Variants in DNAJB12 observed in about 807,000 individuals in gnomAD.
DNAJB12 encodes the protein DnaJ heat shock protein family (Hsp40) member B12.
In DNAJB12, 14 loss-of-function variants were observed where a neutral mutation model predicts 40.6. That is an observed-to-expected ratio of 0.34 (90% CI 0.23 to 0.54). The LOEUF (loss-of-function observed/expected upper bound fraction) is 0.54. DNAJB12 is among the 20% of genes least tolerant of loss of function. DNAJB12 has a pLI of 0.92. For missense variants in DNAJB12, 444 were observed against 501.7 expected, an observed-to-expected ratio of 0.89 and a Z score of 1.10; for synonymous variants, 181 against 199.5, an observed-to-expected ratio of 0.91 and a Z score of 0.78.
chr10:72,334,839 G>A, intron 8 of DNAJB12: 1 of 1,348,294 alleles, frequency 7.4e-7, no homozygotes, highest in South Asian at 1.9e-5. Flanking sequence ...GGAGGACACA[G>A]GCAAAGGAGG....
At chr10:72,340,936 C>T (rs1340132324) in intron 4 of DNAJB12, 49 bp downstream of exon 4, 1 of 1,608,804 alleles carries the variant, frequency 6.2e-7, no homozygotes, top group South Asian at 1.1e-5. Context: ...CATGCCATTC[C>T]CACCATCACC....
At chr10:72,346,370 G>A (rs1219742730) in intron 1 of DNAJB12, among the ~76,000 whole-genome samples, 1 of 151,954 alleles carries the variant, frequency 6.6e-6, no homozygotes, top group Non-Finnish European at 1.5e-5. Context: ...CTGTTGCCCA[G>A]GCTGGAGTGC....
At chr10:72,347,579 T>C (rs749324662) in intron 1 of DNAJB12, among the ~76,000 whole-genome samples, 2 of 152,236 alleles carry the variant, frequency 1.3e-5, no homozygotes, top group African/African-American at 2.4e-5. Flanking sequence ...CTGGAGTCTA[T>C]ACAGGACATT....
At position 72,334,764 on chromosome 10, in the gene DNAJB12, T is replaced by G. The variant is rs1035280373; in HGVS notation, c.*31-147A>C. 98 of 1,400,610 alleles carry G rather than the reference T, an allele frequency of 7.0e-5. No homozygotes were observed. The Admixed American group carries it at 2.0e-3, about 29-fold the overall frequency. 86.8% of individuals were successfully genotyped at this position (1,400,610 alleles called of 1,614,324 possible). ...CACCAACCCCACTTGCGGCCTGCCC[T>G]CCTGCGGCAGCACAGAGGCAGGCAC... On this transcript the variant is annotated intron_variant, in intron 8 of 8. Coordinates refer to ENST00000444643, the MANE Select transcript of DNAJB12 (RefSeq NM_017626.7).
At chr10:72,346,996 A>G (rs141303098) in intron 1 of DNAJB12, among the ~76,000 whole-genome samples, 14,619 of 146,532 alleles carry the variant, frequency 0.1, 1,498 homozygotes, top group African/African-American at 0.27. Context: ...ACGGAGTCTC[A>G]CTCTGTTGCC....
At position 72,334,310 on chromosome 10, in the gene DNAJB12, C is replaced by G. The variant is rs543382585; in HGVS notation, c.*338G>C. ...GAAAGGCAGCTGGGTGCCCCCTCCC[C>G]CAGCCCTTCCCACTGATATCTGCTG... is the stretch of plus-strand genomic sequence containing the variant. On this transcript the variant is annotated 3_prime_UTR_variant, in exon 9 of 9. Transcript: ENST00000444643. The G allele has an allele frequency of 4.2e-6, 2 of 471,846 alleles. No homozygotes were observed. Among genetic ancestry groups the G allele is most frequent in the South Asian group, 4.8e-5 (2 of 41,712 alleles). The allele number at this position is 471,846 out of a possible 1,614,324, so 29.2% of individuals were successfully genotyped here.
At chr10:72,345,247 T>A in intron 1 of DNAJB12, 120 bp from the exon 2 acceptor site, 8 of 1,198,284 alleles carry the variant, frequency 6.7e-6, no homozygotes, top group Non-Finnish European at 8.2e-6. Flanking sequence ...CCTGCCCTGA[T>A]TAGGCCTGTG....
At chr10:72,348,389 G>T (rs1861852353) in intron 1 of DNAJB12, among the ~76,000 whole-genome samples, 1 of 152,224 alleles carries the variant, frequency 6.6e-6, no homozygotes, top group African/African-American at 2.4e-5. Flanking sequence ...CCTCTGACAA[G>T]CTGACCAGCT....
chr10:72,335,707 C>A lies in DNAJB12; in HGVS notation c.*30+73G>T. 6.5e-7 allele frequency: 1 copy of A among 1,539,310 alleles called. No individual in the cohort carries two copies. The highest frequency in any genetic ancestry group is 2.3e-5 in the East Asian group (1 of 43,384). On this transcript the variant is annotated intron_variant, in intron 8 of 8. Transcript: ENST00000444643. This position sits in a 1 kb window ranked among gnomAD's most constrained non-coding sequence, Gnocchi z 4.4. ...ATCACCAGGCTTCCTCCCTTTCTCC[C>A]CCTCCCTCCTCTGCTCATGACCAGG... is the stretch of plus-strand genomic sequence containing the variant.
At chr10:72,348,918 A>G (rs1861866864) in intron 1 of DNAJB12, among the ~76,000 whole-genome samples, 1 of 152,216 alleles carries the variant, frequency 6.6e-6, no homozygotes, top group Admixed American at 6.5e-5. Flanking sequence ...GGAAGAGGGT[A>G]CTGTGGCAGA....
intron 5 of DNAJB12, among the ~76,000 whole-genome samples, chr10:72,340,298 C>T (rs955670633): frequency 6.6e-5 from 10 of 151,836 alleles, no homozygotes; most frequent in Admixed American, 2.0e-4. Context: ...GAGCCGAGAT[C>T]GCGCCACTGC....
chr10:72,340,751 G>T, intron 5 of DNAJB12, 38 bp downstream of exon 5: 1 of 1,602,028 alleles, frequency 6.2e-7, no homozygotes, highest in Non-Finnish European at 8.5e-7. Context: ...TGGATTTGGT[G>T]CCCTTCCCGC....
In DNAJB12 at chr10:72,338,218, T is replaced by C. The variant is rs752838282; in HGVS notation, c.817A>G (p.Ser273Gly). 6.2e-7 allele frequency: 1 copy of C among 1,613,920 alleles called. No individual in the cohort carries two copies. ...SQLMVSSPPYSLSPRPSVGHI... is the reference protein window; with the variant it reads ...SQLMVSSPPYGLSPRPSVGHI... Reference sequence around the variant, plus strand: ...TGTACTCACGGTCTTGGACTCAGACTGTAGGGTGGACTGGAGACCATGAGC... The same window carrying C: ...TGTACTCACGGTCTTGGACTCAGACCGTAGGGTGGACTGGAGACCATGAGC... Residue 273 changes from serine to glycine, a missense_variant, in exon 6 of 9, where the codon AGT (serine) becomes GGT (glycine). Transcript: ENST00000444643.
rs1262715106 is a variant in DNAJB12 at position 72,354,914 on chromosome 10, G to C, written c.-17C>G. 1 of 1,613,824 alleles carries C rather than the reference G, an allele frequency of 6.2e-7. No homozygotes were observed. ...GGATTCCATGGCGGAACCAGAACGC[G>C]GAACCAGGGAGGGGGAGGCCGGGCG... On this transcript the variant is annotated 5_prime_UTR_variant, in exon 1 of 9. Transcript: ENST00000444643.
intron 2 of DNAJB12, among the ~76,000 whole-genome samples, chr10:72,344,195 C>T (rs895344528): frequency 6.6e-6 from 1 of 152,230 alleles, no homozygotes; most frequent in Non-Finnish European, 1.5e-5. Flanking sequence ...GGTTCTTGGC[C>T]GTTTCTAGGC....
In DNAJB12 at chr10:72,341,096, T is replaced by G. The variant is rs1861624992; in HGVS notation, c.532A>C (p.Ser178Arg). The G allele has an allele frequency of 6.2e-7, 1 of 1,614,128 alleles. No individual in the cohort carries two copies. The highest frequency in any genetic ancestry group is 8.5e-7 in the Non-Finnish European group (1 of 1,180,042). ...KQYDQFGDDK[S>R]QAARHGHGHG... ...CCATGGCCGTGCCGGGCCGCCTGGC[T>G]CTTGTCATCGCCGAACTGGTCATAC... Residue 178 changes from serine to arginine, a missense_variant, in exon 4 of 9, where the codon AGC (serine) becomes CGC (arginine). Coordinates refer to ENST00000444643, the MANE Select transcript of DNAJB12 (RefSeq NM_017626.7).
intron 3 of DNAJB12, among the ~76,000 whole-genome samples, chr10:72,341,853 T>G (rs1297281920): frequency 6.6e-6 from 1 of 152,220 alleles, no homozygotes; most frequent in Non-Finnish European, 1.5e-5. Context: ...TGCCTAAGCT[T>G]ACACAGCTTT....
At chr10:72,347,053 C>T (rs970468704) in intron 1 of DNAJB12, among the ~76,000 whole-genome samples, 4 of 152,026 alleles carry the variant, frequency 2.6e-5, no homozygotes, top group Non-Finnish European at 5.9e-5. Flanking sequence ...CAACCTCTGC[C>T]TCCCGGTTTC....
rs373198524 is a variant in DNAJB12, at chr10:72,336,693, G to T, written c.837C>A (p.Ser279=). ...SPPYSLSPRP[S]VGHIHRRVTD... Reference sequence around the variant, plus strand: ...TGACTCGCCTGTGGATGTGGCCCACGGACCTGGCCAGAAATACCAGGTTCA... The same window carrying T: ...TGACTCGCCTGTGGATGTGGCCCACTGACCTGGCCAGAAATACCAGGTTCA... The change falls in exon 7 of 9, where the codon TCC becomes TCA. Residue 279 remains serine (S), a synonymous_variant. Transcript: ENST00000444643. 6.2e-7 allele frequency: 1 copy of T among 1,613,560 alleles called. No homozygotes were observed. Among genetic ancestry groups the T allele is most frequent in the Admixed American group, 1.7e-5 (1 of 59,970 alleles).
Sources: allele counts gnomAD v4.1 joint callset (sites outside exome capture counted in the v4.1 genomes callset), GRCh38; gene constraint gnomAD v4.1.1; non-coding constraint Gnocchi (gnomAD v3.1); transcripts MANE v1.5; gene names NCBI Gene and HGNC (gene_info 2026-07-23, HGNC 2026-07-21).